The following EYS variants were observed in gnomAD, a reference collection of about 807,000 sequenced individuals.
EYS encodes EGF-like photoreceptor maintenance factor, also known as protein eyes shut homolog.
Under a neutral mutation model 282.1 loss-of-function variants are expected in EYS, and 250 were observed. The observed-to-expected ratio is 0.89, with a 90% CI of 0.80 to 0.98. EYS has a LOEUF of 0.98. Ranked by LOEUF, EYS falls within the 50% of genes least tolerant of loss-of-function variation. The pLI, the probability that EYS is intolerant of heterozygous loss-of-function variation, is 0.00. For missense variants in EYS, 4,016 were observed against 3,709.0 expected (o/e 1.08, Z -2.15); for synonymous variants, 1,355 against 1,282.9 (o/e 1.06, Z -1.20).
intron 35 of EYS, among the ~76,000 whole-genome samples, chr6:63,957,044 T>C (rs1253765020): frequency 6.6e-6 from 1 of 152,198 alleles, no homozygotes; most frequent in Non-Finnish European, 1.5e-5. Flanking sequence ...TCTTCCTTTT[T>C]CTGGATGTAC....
At position 64,596,330 on chromosome 6, in the gene EYS, C is replaced by A. The variant is rs994882240; in HGVS notation, c.3685-3021G>T. On this transcript the variant is annotated intron_variant, in intron 24 of 42. Coordinates refer to ENST00000503581, the MANE Select transcript of EYS (RefSeq NM_001142800.2). ...ATTCAAAGAAATCTCTATCAAAAGA[C>A]CAATGATATTTTTCAGAGAGATAGG... Among the ~76,000 whole-genome samples the A allele has an allele frequency of 6.6e-5, 10 of 152,058 alleles. No individual in the cohort carries two copies. The East Asian group carries it at 1.9e-3, about 29-fold the overall frequency.
At chr6:63,760,468 C>G (rs1769603741) in intron 41 of EYS, among the ~76,000 whole-genome samples, 1 of 151,938 alleles carries the variant, frequency 6.6e-6, no homozygotes, top group African/African-American at 2.4e-5. Flanking sequence ...CTAAAGTATT[C>G]TAACCAAATT....
At chr6:65,505,815 G>A (rs748391505) in intron 2 of EYS, among the ~76,000 whole-genome samples, 4 of 152,184 alleles carry the variant, frequency 2.6e-5, no homozygotes, top group Non-Finnish European at 4.4e-5. Flanking sequence ...TCTAGAATGT[G>A]TGCTATCTTG....
intron 23 of EYS, among the ~76,000 whole-genome samples, chr6:64,625,123 C>T (rs539092033): frequency 5.9e-5 from 9 of 152,060 alleles, no homozygotes; most frequent in Admixed American, 1.3e-4. Flanking sequence ...CATTGAACAT[C>T]CGTTTTGGGT....
intron 35 of EYS, among the ~76,000 whole-genome samples, chr6:63,887,690 C>T (rs764254843): frequency 2.5e-4 from 38 of 152,186 alleles, no homozygotes; most frequent in Admixed American, 2.0e-3. Flanking sequence ...CGGGTGCCCA[C>T]GTCACCAGGG....
chr6:64,458,353 A>G (rs887060641), intron 26 of EYS, among the ~76,000 whole-genome samples: 7 of 152,064 alleles, frequency 4.6e-5, no homozygotes, highest in African/African-American at 1.7e-4. Flanking sequence ...CATCTAAAAC[A>G]AGTCTGGTGG....
intron 29 of EYS, among the ~76,000 whole-genome samples, chr6:64,336,469 T>C (rs571260714): frequency 6.6e-6 from 1 of 152,110 alleles, no homozygotes; most frequent in Admixed American, 6.6e-5. Context: ...CTCCCAAATT[T>C]ATAAAACAAT....
At chr6:64,044,108 T>C (rs560424410) in intron 33 of EYS, among the ~76,000 whole-genome samples, 23 of 152,334 alleles carry the variant, frequency 1.5e-4, no homozygotes, top group African/African-American at 5.3e-4. Context: ...CATATTTCTA[T>C]ATCTTTTGAA....
intron 11 of EYS, chr6:65,329,504 T>C: frequency 2.0e-6 from 2 of 979,504 alleles, no homozygotes; most frequent in Non-Finnish European, 2.4e-6. Context: ...CTTGATCTAG[T>C]GGTTTCAAGA....
intron 26 of EYS, among the ~76,000 whole-genome samples, chr6:64,510,729 A>C (rs1777365214): frequency 6.6e-6 from 1 of 152,174 alleles, no homozygotes; most frequent in Non-Finnish European, 1.5e-5. Context: ...TCAGGTGGAA[A>C]ATTAATCAGA....
At chr6:64,473,059 C>T (rs752988865) in intron 26 of EYS, among the ~76,000 whole-genome samples, 1 of 152,018 alleles carries the variant, frequency 6.6e-6, no homozygotes, top group Non-Finnish European at 1.5e-5. Context: ...TAGTTACTAT[C>T]CAGCATTTAT....
At chr6:63,997,941 C>T (rs1767909089) in intron 34 of EYS, among the ~76,000 whole-genome samples, 1 of 151,960 alleles carries the variant, frequency 6.6e-6, no homozygotes, top group Non-Finnish European at 1.5e-5. Flanking sequence ...ATGAGTCATT[C>T]ATATATTTTC....
chr6:64,294,969 T>C (rs2150367684), intron 30 of EYS, among the ~76,000 whole-genome samples: 1 of 152,268 alleles, frequency 6.6e-6, no homozygotes. Flanking sequence ...TTTTGATGTG[T>C]AAGACCAACT....
At chr6:64,802,055 A>G (rs1764257276) in intron 22 of EYS, among the ~76,000 whole-genome samples, 1 of 80,434 alleles carries the variant, frequency 1.2e-5, no homozygotes, top group Non-Finnish European at 2.2e-5. Context: ...TTTTTTTGAG[A>G]CGGAGTCTCA....
At chr6:65,459,946 T>C (rs1213790797) in intron 5 of EYS, among the ~76,000 whole-genome samples, 1 of 132,072 alleles carries the variant, frequency 7.6e-6, no homozygotes, top group Non-Finnish European at 1.6e-5. Flanking sequence ...CTGGTGCGTG[T>C]GTGTGTGTGT....
intron 12 of EYS, among the ~76,000 whole-genome samples, chr6:65,280,776 G>C (rs1463210346): frequency 6.6e-6 from 1 of 151,336 alleles, no homozygotes; most frequent in Non-Finnish European, 1.5e-5. Context: ...CCAGCACTTT[G>C]GGAGGCCAAG....
At chr6:64,848,677 C>T (rs1765789829) in intron 19 of EYS, among the ~76,000 whole-genome samples, 1 of 152,174 alleles carries the variant, frequency 6.6e-6, no homozygotes, top group East Asian at 1.9e-4. Context: ...CAAGCGAATG[C>T]AGCTGGTGTA....
intron 31 of EYS, among the ~76,000 whole-genome samples, chr6:64,094,571 A>G (rs539980912): frequency 2.0e-5 from 3 of 152,092 alleles, no homozygotes; most frequent in Non-Finnish European, 4.4e-5. Flanking sequence ...CTCTGATGGT[A>G]GTTTGTATTT....
intron 41 of EYS, among the ~76,000 whole-genome samples, chr6:63,734,281 G>T (rs533937945): frequency 5.9e-5 from 9 of 151,742 alleles, no homozygotes; most frequent in Middle Eastern, 3.4e-3. Flanking sequence ...AATAAAAGTT[G>T]AAAAAAAACT....
Sources: gnomAD v4.1 joint callset for allele counts (sites outside exome capture counted in the v4.1 genomes callset) on GRCh38, gnomAD v4.1.1 for gene constraint, MANE v1.5 for transcripts, NCBI Gene and HGNC (gene_info 2026-07-23, HGNC 2026-07-21) for gene names.